The following NLRP8 variants were observed in gnomAD, a reference collection of about 807,000 sequenced individuals.
NLRP8 encodes NLR family pyrin domain containing 8.
NLRP8 carries 86 observed loss-of-function variants against 88.7 expected under a neutral mutation model. That is an observed-to-expected ratio of 0.97 (90% confidence interval 0.81 to 1.16). The LOEUF (loss-of-function observed/expected upper bound fraction) is 1.16, where lower values mean the gene tolerates loss of function less well. NLRP8 is among the 50% of genes most tolerant of loss of function. The pLI is 0.00. For synonymous variants in NLRP8, 504 were observed against 494.6 expected (o/e 1.02, Z -0.25); for missense variants, 1,342 against 1,286.5 (o/e 1.04, Z -0.66).
chr19:55,987,335 A>G lies in NLRP8; in HGVS notation c.3048-479A>G, dbSNP rs190030727. The stretch of plus-strand genomic sequence containing the variant: ...CAGTGAGCCAAGGTCACGCCACTGC[A>G]CTCCAGCGTGGGTGACAGAGTGAGA... On this transcript the variant is annotated intron_variant, in intron 9 of 9. Transcript: ENST00000291971. Among the ~76,000 whole-genome samples the G allele has an allele frequency of 2.0e-5, 3 of 152,324 alleles. No individual in the cohort carries two copies. The East Asian group carries it at 5.8e-4, about 29-fold the overall frequency.
In NLRP8 at chr19:55,957,673, TTA is replaced by T. The variant is rs10523999; in HGVS notation, c.2042+1624_2042+1625del. Among the ~76,000 whole-genome samples the T allele has an allele frequency of 8.7e-3, 271 of 31,072 alleles. 1 individual carries two copies. The highest frequency in any genetic ancestry group is 9.6e-3 in the Non-Finnish European group (196 of 20,438). 20.4% of individuals were successfully genotyped at this position (31,072 alleles called of 152,430 possible). On this transcript the variant is annotated intron_variant, in intron 3 of 9. Transcript: ENST00000291971. Reference sequence around the variant, plus strand: ...TATCTTAAAAAAGAAAAAATAATAATTATATATATATATATATATATATATAT... The same window carrying T: ...TATCTTAAAAAAGAAAAAATAATAATTATATATATATATATATATATATAT...
chr19:55,986,249 A>G (rs761747814), intron 9 of NLRP8, among the ~76,000 whole-genome samples: 11 of 151,948 alleles, frequency 7.2e-5, no homozygotes, highest in Non-Finnish European at 1.5e-4. Context: ...CAACTTCCAG[A>G]TTATGTAAAA....
At position 55,966,224 on chromosome 19, in the gene NLRP8, T is replaced by C. The variant is rs1459249546; in HGVS notation, c.2225T>C (p.Val742Ala). The C allele has an allele frequency of 6.2e-7, 1 of 1,614,022 alleles. No homozygotes were observed. The highest frequency in any genetic ancestry group is 8.5e-7 in the Non-Finnish European group (1 of 1,179,934). ...TCTTCCCTCTCCAGCCTAAGGCGTG[T>C]GAATAGCACCATGTTGAACCAGGAC... Residue 742 changes from valine (V) to alanine (A), a missense_variant, in exon 5 of 10, where the codon GTG becomes GCG. By Grantham distance (64) the Val-to-Ala change is moderately conservative. Coordinates refer to ENST00000291971, the MANE Select transcript of NLRP8 (RefSeq NM_176811.2).
chr19:55,963,218 T>C (rs1256597181), intron 4 of NLRP8, among the ~76,000 whole-genome samples: 2 of 152,172 alleles, frequency 1.3e-5, no homozygotes, highest in Non-Finnish European at 2.9e-5. Flanking sequence ...TTCACCATGT[T>C]GGTCAGGCTA....
At chr19:55,983,818 C>CAAAAA (rs56312019) in intron 9 of NLRP8, among the ~76,000 whole-genome samples, 3 of 84,640 alleles carry the variant, frequency 3.5e-5, no homozygotes, top group Admixed American at 1.5e-4. Context: ...CTAGTAGATG[C>CAAAAA]AAAAAAAAAA....
At chr19:55,950,095 T>C (rs1979023755) in intron 1 of NLRP8, among the ~76,000 whole-genome samples, 1 of 151,852 alleles carries the variant, frequency 6.6e-6, no homozygotes, top group African/African-American at 2.4e-5. Flanking sequence ...AAAATGTTAA[T>C]ATTTATGAAA....
intron 2 of NLRP8, among the ~76,000 whole-genome samples, chr19:55,953,915 C>T (rs1270097148): frequency 1.3e-5 from 2 of 149,914 alleles, no homozygotes; most frequent in African/African-American, 4.9e-5. Flanking sequence ...AATTCTCCTG[C>T]CTCCACCTCC....
chr19:55,970,533 G>C lies in NLRP8; in HGVS notation c.2382-11G>C. Reference sequence around the variant, plus strand: ...GAACCATGGCTCAGCATTTGTATCTGGCTTCTACAGGTTGGAAGACTGCTT... The same window carrying C: ...GAACCATGGCTCAGCATTTGTATCTCGCTTCTACAGGTTGGAAGACTGCTT... On this transcript the variant is annotated splice_polypyrimidine_tract_variant and intron_variant, in intron 5 of 9. Coordinates refer to ENST00000291971, the MANE Select transcript of NLRP8 (RefSeq NM_176811.2). The C allele has an allele frequency of 1.2e-6, 2 of 1,613,784 alleles. No individual in the cohort carries two copies. Among genetic ancestry groups the C allele is most frequent in the Non-Finnish European group, 1.7e-6 (2 of 1,179,848 alleles).
rs61462346 is a variant in NLRP8 at position 55,962,433 on chromosome 19, G to T, written c.2213+196G>T. ...CACACGGGAGCCAGGCTGACGGCTC[G>T]ATCTGTCTCTAGTTACTGTTAGCTT... On this transcript the variant is annotated intron_variant, in intron 4 of 9. Transcript: ENST00000291971. Among the ~76,000 whole-genome samples the T allele has an allele frequency of 9.1e-3, 1,386 of 152,310 alleles. 27 individuals are homozygous for T. The highest frequency in any genetic ancestry group is 0.032 in the African/African-American group (1,332 of 41,552).
chr19:55,974,925 C>T (rs1980242212), intron 7 of NLRP8, among the ~76,000 whole-genome samples: 1 of 151,948 alleles, frequency 6.6e-6, no homozygotes, highest in South Asian at 2.1e-4. Flanking sequence ...CCTTGAAATG[C>T]ATGAGGTTAG....
chr19:55,986,481 C>CACACACACAT (rs1555759194), intron 9 of NLRP8, among the ~76,000 whole-genome samples: 23 of 144,586 alleles, frequency 1.6e-4, no homozygotes, highest in South Asian at 4.5e-4. Flanking sequence ...CATACACACA[C>CACACACACAT]ACACACACAC....
chr19:55,973,633 G>A lies in NLRP8; in HGVS notation c.2535-19G>A. 6.3e-7 allele frequency: 1 copy of A among 1,581,208 alleles called. No homozygotes were observed. Among genetic ancestry groups the A allele is most frequent in the African/African-American group, 1.4e-5 (1 of 74,006 alleles). On this transcript the variant is annotated intron_variant, in intron 6 of 9. Transcript: ENST00000291971. The stretch of plus-strand genomic sequence containing the variant: ...AAGACCCCTCTCCATTCAGTCATCT[G>A]TGTGCTTCTCTCCCATAGGATAGAG...
chr19:55,981,083 G>T (rs1005799853), intron 9 of NLRP8, among the ~76,000 whole-genome samples: 1 of 152,110 alleles, frequency 6.6e-6, no homozygotes, highest in African/African-American at 2.4e-5. Flanking sequence ...GCAATGAAGT[G>T]GATATGCTGG....
At chr19:55,953,911 C>T (rs919222467) in intron 2 of NLRP8, among the ~76,000 whole-genome samples, 4 of 147,508 alleles carry the variant, frequency 2.7e-5, no homozygotes, top group Non-Finnish European at 4.5e-5. Context: ...AAGCAATTCT[C>T]CTGCCTCCAC....
At chr19:55,978,021 G>A (rs1425894096) in intron 8 of NLRP8, among the ~76,000 whole-genome samples, 1 of 152,040 alleles carries the variant, frequency 6.6e-6, no homozygotes, top group African/African-American at 2.4e-5. Context: ...TTCTACACTT[G>A]AAAGTGTTTA....
chr19:55,985,345 T>G (rs918856882), intron 9 of NLRP8, among the ~76,000 whole-genome samples: 2 of 151,238 alleles, frequency 1.3e-5, no homozygotes, highest in Non-Finnish European at 1.5e-5. Flanking sequence ...ATGCAAAGAG[T>G]TCAGGATAAC....
chr19:55,980,104 T>C (rs1279291349), intron 9 of NLRP8, among the ~76,000 whole-genome samples: 3 of 152,222 alleles, frequency 2.0e-5, no homozygotes, highest in Non-Finnish European at 4.4e-5. Flanking sequence ...CTTGTCTTTG[T>C]CTTCTCTTTT....
At chr19:55,984,815 C>T (rs1980735306) in intron 9 of NLRP8, among the ~76,000 whole-genome samples, 2 of 151,882 alleles carry the variant, frequency 1.3e-5, no homozygotes, top group Admixed American at 1.3e-4. Flanking sequence ...CCAGCCTGGG[C>T]AACAGAGTGA....
At chr19:55,966,530 C>T (rs893651961) in intron 5 of NLRP8, 150 bp downstream of exon 5, 12 of 729,022 alleles carry the variant, frequency 1.6e-5, no homozygotes, top group African/African-American at 5.4e-5. Flanking sequence ...GGGCCGGGCG[C>T]GGTGGCTCAC....
Sources: allele counts gnomAD v4.1 joint callset (sites outside exome capture counted in the v4.1 genomes callset), GRCh38; gene constraint gnomAD v4.1.1; transcripts MANE v1.5; gene names NCBI Gene and HGNC (gene_info 2026-07-23, HGNC 2026-07-21).